Variants in SGCD observed in about 807,000 individuals in gnomAD.
The protein encoded by SGCD is delta-sarcoglycan.
Under a neutral mutation model 36.6 loss-of-function variants are expected in SGCD, and 18 were observed. The ratio of observed to expected loss-of-function variants is 0.49; its 90% CI spans 0.34 to 0.73. SGCD has a LOEUF of 0.73. Ranked by LOEUF, SGCD falls within the 30% of genes least tolerant of loss-of-function variation. The probability of loss-of-function intolerance (pLI) is 0.01; values close to 1 mark genes in which losing one functional copy is unlikely to be tolerated. For synonymous variants in SGCD, 133 were observed against 130.6 expected (o/e 1.02, Z -0.12); for missense variants, 387 against 346.7 (o/e 1.12, Z -0.92).
At chr5:156,623,301 A>C (rs1160329116) in intron 6 of SGCD, among the ~76,000 whole-genome samples, 2 of 152,116 alleles carry the variant, frequency 1.3e-5, no homozygotes, top group Non-Finnish European at 2.9e-5. Flanking sequence ...GCAAGATCTA[A>C]TTTGTGTTTT....
chr5:156,218,472 C>A (rs747097616), intron 3 of SGCD, among the ~76,000 whole-genome samples: 2 of 152,228 alleles, frequency 1.3e-5, no homozygotes, highest in East Asian at 3.9e-4. Flanking sequence ...AACCTAACCA[C>A]ATTTTGAGGC....
At chr5:156,149,770 G>C (rs1360308686) in intron 3 of SGCD, among the ~76,000 whole-genome samples, 1 of 152,192 alleles carries the variant, frequency 6.6e-6, no homozygotes, top group Non-Finnish European at 1.5e-5. Flanking sequence ...TGGCCTCCTT[G>C]TGTATTTAAG....
the SGCD span, among the ~76,000 whole-genome samples, chr5:155,805,857 T>C: frequency 6.6e-5 from 10 of 152,208 alleles, no homozygotes; most frequent in Non-Finnish European, 8.8e-5. Context: ...AGGACTGATG[T>C]TGTTTTGCAA....
chr5:156,290,366 G>A (rs1282981116), intron 3 of SGCD, among the ~76,000 whole-genome samples: 6 of 152,126 alleles, frequency 3.9e-5, no homozygotes, highest in Non-Finnish European at 7.4e-5. Context: ...AACTGCATCT[G>A]TGATCATTGC....
intron 6 of SGCD, among the ~76,000 whole-genome samples, chr5:156,609,245 G>C (rs1434337665): frequency 1.3e-5 from 2 of 152,064 alleles, no homozygotes; most frequent in Non-Finnish European, 2.9e-5. Context: ...GCCTGGTGGT[G>C]ACAAAATCTC....
At chr5:156,406,807 TATATATATATATACACACACAC>T (rs1281547273) in intron 3 of SGCD, among the ~76,000 whole-genome samples, 3 of 98,686 alleles carry the variant, frequency 3.0e-5, no homozygotes, top group African/African-American at 9.9e-5. Context: ...TATATATATA[TATATATATATATACACACACAC>T]ACACACACAC....
intron 3 of SGCD, among the ~76,000 whole-genome samples, chr5:156,457,073 C>T (rs1441366018): frequency 6.6e-6 from 1 of 152,136 alleles, no homozygotes; most frequent in East Asian, 1.9e-4. Context: ...AGAACAGAAA[C>T]CAAAACCACA....
At chr5:156,345,777 G>A (rs1768908295) in intron 3 of SGCD, among the ~76,000 whole-genome samples, 1 of 152,076 alleles carries the variant, frequency 6.6e-6, no homozygotes, top group East Asian at 1.9e-4. Context: ...CAAAGTAACA[G>A]TAAAATTTTC....
chr5:155,841,725 G>T, the SGCD span, among the ~76,000 whole-genome samples: 1 of 151,986 alleles, frequency 6.6e-6, no homozygotes, highest in Non-Finnish European at 1.5e-5. Flanking sequence ...CCATTTTATA[G>T]GTTTTGTAGG....
chr5:156,541,508 C>T (rs1324629774), intron 4 of SGCD, among the ~76,000 whole-genome samples: 3 of 151,974 alleles, frequency 2.0e-5, no homozygotes, highest in Admixed American at 6.6e-5. Flanking sequence ...GCTGACAGAA[C>T]CACTGGGAAC....
intron 6 of SGCD, among the ~76,000 whole-genome samples, chr5:156,617,991 TTAAATG>T (rs1189422588): frequency 6.6e-6 from 1 of 152,246 alleles, no homozygotes; most frequent in Non-Finnish European, 1.5e-5. Context: ...TGGACATCAC[TTAAATG>T]TATTCAGGTT....
chr5:156,187,222 C>T (rs1307158321), intron 3 of SGCD, among the ~76,000 whole-genome samples: 1 of 152,048 alleles, frequency 6.6e-6, no homozygotes. Context: ...TCTAGGGTGA[C>T]TGAAGATGGC....
chr5:155,901,317 A>G (rs890781200), intron 1 of SGCD, among the ~76,000 whole-genome samples: 2 of 66,324 alleles, frequency 3.0e-5, no homozygotes, highest in Admixed American at 2.3e-4. Context: ...CATCTCAGAG[A>G]AAAAAAAAAA....
intron 1 of SGCD, among the ~76,000 whole-genome samples, chr5:155,932,038 C>A (rs1228828320): frequency 6.6e-6 from 1 of 152,190 alleles, no homozygotes; most frequent in Non-Finnish European, 1.5e-5. Flanking sequence ...GAAGTCTCCA[C>A]CCTCATGATT....
chr5:156,384,476 T>G (rs1230554750), intron 3 of SGCD, among the ~76,000 whole-genome samples: 1 of 152,212 alleles, frequency 6.6e-6, no homozygotes, highest in Non-Finnish European at 1.5e-5. Flanking sequence ...TCCAAGAGAA[T>G]AAGAACCTTA....
At chr5:156,717,319 A>G (rs1374406655) in intron 7 of SGCD, among the ~76,000 whole-genome samples, 1 of 152,076 alleles carries the variant, frequency 6.6e-6, no homozygotes, top group Non-Finnish European at 1.5e-5. Flanking sequence ...TCACTCTAAT[A>G]CTGACTCCCA....
intron 3 of SGCD, among the ~76,000 whole-genome samples, chr5:156,389,054 C>G (rs1771427861): frequency 6.6e-6 from 1 of 152,164 alleles, no homozygotes; most frequent in South Asian, 2.1e-4. Context: ...CATTGCCTCC[C>G]ATCACACTCC....
intron 7 of SGCD, among the ~76,000 whole-genome samples, chr5:156,723,812 T>C (rs1223120802): frequency 1.3e-5 from 2 of 151,916 alleles, no homozygotes; most frequent in Admixed American, 6.6e-5. Context: ...ACTTGTTAGC[T>C]GATGAGCAGT....
chr5:156,673,649 C>T (rs541993858), intron 7 of SGCD, among the ~76,000 whole-genome samples: 1 of 152,276 alleles, frequency 6.6e-6, no homozygotes, highest in African/African-American at 2.4e-5. Context: ...GAATTTGAAT[C>T]CCTTGACAAT....
Sources: allele counts gnomAD v4.1 joint callset (sites outside exome capture counted in the v4.1 genomes callset), GRCh38; gene constraint gnomAD v4.1.1; transcripts MANE v1.5; gene names NCBI Gene and HGNC (gene_info 2026-07-23, HGNC 2026-07-21).